The following ABITRAM variants were observed in gnomAD, a reference collection of about 807,000 sequenced individuals.
ABITRAM encodes actin binding transcription modulator, also known as protein Abitram.
Under a neutral mutation model 22.9 loss-of-function variants are expected in ABITRAM, and 19 were observed. The observed-to-expected ratio is 0.83, with a 90% CI of 0.58 to 1.22. ABITRAM has a LOEUF of 1.22. ABITRAM is among the 50% of genes most tolerant of loss of function. The pLI is 0.00. For synonymous variants in ABITRAM, 70 were observed against 73.9 expected, an observed-to-expected ratio of 0.95 and a Z score of 0.27; for missense variants, 215 against 220.2, an observed-to-expected ratio of 0.98 and a Z score of 0.15.
rs964890026 is a variant in ABITRAM, at chr9:108,946,860, C to A, written c.262-3647C>A. On this transcript the variant is annotated intron_variant, in intron 3 of 3. Coordinates refer to the ABITRAM transcript ENST00000374624. ...CATAGGAAGAAGGTAAGTAGTGGAT[C>A]TTTTGTAGTAAAACACCCCTACAGG... Among the ~76,000 whole-genome samples the A allele has an allele frequency of 2.1e-4, 32 of 152,114 alleles. No homozygotes were observed. The East Asian group carries it at 2.5e-3, about 12-fold the overall frequency.
At chr9:108,943,538 C>T (rs565406817), downstream of ABITRAM, among the ~76,000 whole-genome samples, 25 of 152,216 alleles carry the variant, frequency 1.6e-4, no homozygotes, top group African/African-American at 5.5e-4. Context: ...ATCTGCTACT[C>T]TCTGGGGTCA....
rs1257852770 is a variant in ABITRAM at position 108,940,476 on chromosome 9, G to A, written c.*790G>A. On this transcript the variant is annotated 3_prime_UTR_variant, in exon 6 of 6. Transcript: ENST00000322940. ...TCTGCCTCAACTCCTCTCCCTTTTA[G>A]GTTGTAGGGAAGAGGCCGGAGTGTA... The A allele has an allele frequency of 2.0e-5, 3 of 152,130 alleles. No individual in the cohort carries two copies. The highest frequency in any genetic ancestry group is 6.5e-5 in the Admixed American group (1 of 15,268). 9.4% of individuals were successfully genotyped at this position (152,130 alleles called of 1,614,324 possible).
downstream of ABITRAM, chr9:108,943,917 A>G (rs1830321971): frequency 6.2e-7 from 1 of 1,603,506 alleles, no homozygotes; most frequent in Non-Finnish European, 8.5e-7. Flanking sequence ...AAAGTAGGTT[A>G]TACATAATAC....
intron 3 of ABITRAM, among the ~76,000 whole-genome samples, chr9:108,936,771 G>A (rs1455174199): frequency 1.3e-5 from 2 of 151,828 alleles, no homozygotes; most frequent in African/African-American, 2.4e-5. Context: ...CTAGTATGTC[G>A]AGTTCTGTAA....
rs1279608991 is a variant in ABITRAM, at chr9:108,950,409, T to C, written c.262-98T>C. ...CAATGGAAGGAAACCACCAAAGGAA[T>C]GGTCTCCAATGATGGAAAATATGAT... On this transcript the variant is annotated intron_variant, in intron 3 of 3. Transcript: ENST00000374624. 6.3e-6 allele frequency: 8 copies of C among 1,269,812 alleles called. No homozygotes were observed. The East Asian group carries it at 2.0e-4, about 32-fold the overall frequency. 78.7% of individuals were successfully genotyped at this position (1,269,812 alleles called of 1,614,324 possible).
chr9:108,935,541 TC>T, intron 1 of ABITRAM, 96 bp from the exon 2 acceptor site: 1 of 906,114 alleles, frequency 1.1e-6, no homozygotes, highest in Non-Finnish European at 1.8e-6. Context: ...CATGTATGTG[TC>T]CAGTCTTCAT....
chr9:108,937,254 C>T (rs1830200996), intron 3 of ABITRAM, among the ~76,000 whole-genome samples: 1 of 152,206 alleles, frequency 6.6e-6, no homozygotes, highest in South Asian at 2.1e-4. Context: ...ATGTAATACT[C>T]ATGTACCCAC....
chr9:108,941,908 TA>T (rs1830260359), downstream of ABITRAM, among the ~76,000 whole-genome samples: 1 of 152,202 alleles, frequency 6.6e-6, no homozygotes, highest in Non-Finnish European at 1.5e-5. Context: ...TTAAAAAGAC[TA>T]AAGAAAGATG....
intron 3 of ABITRAM, among the ~76,000 whole-genome samples, chr9:108,950,175 A>G (rs1830519245): frequency 6.6e-6 from 1 of 152,214 alleles, no homozygotes; most frequent in African/African-American, 2.4e-5. Flanking sequence ...TCACCATGGA[A>G]ATAACTAGCT....
At chr9:108,936,795 A>G (rs1418307350) in intron 3 of ABITRAM, among the ~76,000 whole-genome samples, 1 of 152,142 alleles carries the variant, frequency 6.6e-6, no homozygotes, top group East Asian at 1.9e-4. Context: ...TTAGGTGACT[A>G]ACTCTTCTTT....
intron 3 of ABITRAM, among the ~76,000 whole-genome samples, chr9:108,938,253 TGAA>T (rs757233402): frequency 2.0e-5 from 3 of 152,166 alleles, no homozygotes; most frequent in Non-Finnish European, 4.4e-5. Context: ...TATTTTAAAA[TGAA>T]GAACCCACGT....
Position 108,936,414 on chromosome 9 carries a change from A to G in ABITRAM, c.238A>G (p.Lys80Glu). The G allele has an allele frequency of 1.9e-6, 3 of 1,613,664 alleles. No individual in the cohort carries two copies. Among genetic ancestry groups the G allele is most frequent in the Non-Finnish European group, 1.7e-6 (2 of 1,179,832 alleles). The change falls in exon 3 of 6, where the codon AAG (lysine) becomes GAG (glutamate). Residue 80 changes from lysine to glutamate, a missense_variant. By Grantham distance (56) the Lys-to-Glu change is moderately conservative (BLOSUM62 1). Transcript: ENST00000322940. Reference protein sequence around the residue: ...ISTNCSRLQNKVSGKFKRGAQ... With the variant: ...ISTNCSRLQNEVSGKFKRGAQ... The stretch of plus-strand genomic sequence containing the variant: ...TACCAACTGTAGCAGACTTCAGAAC[A>G]AGGTCTCTGGGAAATTTAAGCGGGT...
intron 1 of ABITRAM, among the ~76,000 whole-genome samples, chr9:108,935,215 G>A (rs1169664575): frequency 6.6e-6 from 1 of 152,128 alleles, no homozygotes; most frequent in Non-Finnish European, 1.5e-5. Context: ...CAAACATAGG[G>A]TGACCAACCT....
At chr9:108,942,608 A>T, downstream of ABITRAM, 1 of 590,796 alleles carries the variant, frequency 1.7e-6, no homozygotes, top group East Asian at 2.8e-5. Context: ...TTAGTTGTCA[A>T]AAAGCTTTAC....
At chr9:108,950,664 C>T in exon 4 of ABITRAM, 2 of 1,514,548 alleles carry the variant, frequency 1.3e-6, no homozygotes, top group Non-Finnish European at 1.8e-6. Flanking sequence ...TCACCTATCC[C>T]ATCCCATAAA....
chr9:108,942,255 G>A (rs1830266677), downstream of ABITRAM, among the ~76,000 whole-genome samples: 1 of 152,132 alleles, frequency 6.6e-6, no homozygotes, highest in African/African-American at 2.4e-5. Context: ...GCTTATTAGG[G>A]AACAAACTTG....
In ABITRAM at chr9:108,939,623, G is replaced by C; in HGVS notation, c.483G>C (p.Leu161=). Residue 161 remains leucine (L), a synonymous_variant, in exon 6 of 6, where the codon CTG becomes CTC. Coordinates refer to ENST00000322940, the MANE Select transcript of ABITRAM (RefSeq NM_017832.4). The stretch of plus-strand genomic sequence containing the variant: ...GTAAAAGCATAACAGAAGGGTTACT[G>C]ACACAAAAACAATATGAAGAAGTCA... ...EESKSITEGL[L]TQKQYEEVMV... is the part of the protein sequence containing the mutation. The C allele has an allele frequency of 2.5e-6, 4 of 1,613,972 alleles. No individual in the cohort carries two copies. The South Asian group carries it at 4.4e-5, about 18-fold the overall frequency.
rs777082884 is a variant in ABITRAM, at chr9:108,934,531, C to T, written c.45C>T (p.Leu15=). The change falls in exon 1 of 6, where the codon CTC becomes CTT. Residue 15 remains leucine, a synonymous_variant. Transcript: ENST00000322940. ...PEAAEPVVPS[L]VDRYFTRWYK... Reference sequence around the variant, plus strand: ...CCGCGGAGCCGGTGGTGCCTTCGCTCGTGGATCGATACTTCACTCGCTGGT... The same window carrying T: ...CCGCGGAGCCGGTGGTGCCTTCGCTTGTGGATCGATACTTCACTCGCTGGT... 46 of 1,606,268 alleles carry T rather than the reference C, an allele frequency of 2.9e-5. No individual in the cohort carries two copies. Among genetic ancestry groups the T allele is most frequent in the Admixed American group, 5.0e-5 (3 of 59,504 alleles).
rs1202505393 is a variant in ABITRAM, at chr9:108,934,476, C to T, written c.-11C>T. 2 of 1,593,760 alleles carry T rather than the reference C, an allele frequency of 1.3e-6. No homozygotes were observed. The highest frequency in any genetic ancestry group is 1.1e-5 in the South Asian group (1 of 88,658). On this transcript the variant is annotated 5_prime_UTR_variant, in exon 1 of 6. Coordinates refer to ENST00000322940, the MANE Select transcript of ABITRAM (RefSeq NM_017832.4). Reference sequence around the variant, plus strand: ...TCCCGGAGGGCGGGGGTGGCGGCGCCGGAGGTCGCCATGGCTACCGAGCCC... The same window carrying T: ...TCCCGGAGGGCGGGGGTGGCGGCGCTGGAGGTCGCCATGGCTACCGAGCCC...
Sources: allele counts gnomAD v4.1 joint callset (sites outside exome capture counted in the v4.1 genomes callset), GRCh38; gene constraint gnomAD v4.1.1; transcripts MANE v1.5; gene names NCBI Gene and HGNC (gene_info 2026-07-23, HGNC 2026-07-21).